Variants in VPS53 observed in about 807,000 individuals in gnomAD.
The protein encoded by VPS53 is vacuolar protein sorting-associated protein 53 homolog.
In VPS53, 70 loss-of-function variants were observed where a neutral mutation model predicts 107.0. The ratio of observed to expected loss-of-function variants is 0.65; its 90% CI spans 0.54 to 0.80. VPS53 has a LOEUF of 0.80. Among genes scored for constraint, VPS53 ranks in the 30% least tolerant of loss-of-function variants. The pLI is 0.00. For synonymous variants in VPS53, 409 were observed against 393.3 expected, an observed-to-expected ratio of 1.04 and a Z score of -0.47; for missense variants, 917 against 1,049.4, an observed-to-expected ratio of 0.87 and a Z score of 1.74.
chr17:684,708 C>A (rs1048194333), intron 4 of VPS53, among the ~76,000 whole-genome samples: 4 of 152,052 alleles, frequency 2.6e-5, no homozygotes, highest in African/African-American at 9.7e-5. Context: ...ACAAGTTGGC[C>A]GGGCGCGGTG....
chr17:697,703 A>C (rs1973032135), intron 3 of VPS53, among the ~76,000 whole-genome samples: 1 of 152,198 alleles, frequency 6.6e-6, no homozygotes, highest in Non-Finnish European at 1.5e-5. Context: ...CTTGTTGTTA[A>C]AAATGCCTAT....
At chr17:591,275 C>G (rs889238474) in intron 12 of VPS53, among the ~76,000 whole-genome samples, 485 of 126,624 alleles carry the variant, frequency 3.8e-3, no homozygotes, top group Admixed American at 5.1e-3. Context: ...CTCTTTTTTT[C>G]TTTATTAGTC....
Position 710,633 on chromosome 17 carries a change from T to C in VPS53, c.88-20A>G. On this transcript the variant is annotated intron_variant, in intron 1 of 21. Coordinates refer to ENST00000437048, the MANE Select transcript of VPS53 (RefSeq NM_001128159.3). Reference sequence around the variant, plus strand: ...AAACACCTATATAGAAAGAGAGGAGTATATATAAAAACATGTAGTATACCG... The same window carrying C: ...AAACACCTATATAGAAAGAGAGGAGCATATATAAAAACATGTAGTATACCG... 1.3e-6 allele frequency: 2 copies of C among 1,557,774 alleles called. No homozygotes were observed. The highest frequency in any genetic ancestry group is 1.8e-6 in the Non-Finnish European group (2 of 1,132,180).
intron 12 of VPS53, among the ~76,000 whole-genome samples, chr17:593,006 A>T (rs950573924): frequency 5.3e-5 from 8 of 152,342 alleles, no homozygotes; most frequent in Non-Finnish European, 1.2e-4. Context: ...ATAATGCCGC[A>T]TATCTACAAC....
intron 13 of VPS53, among the ~76,000 whole-genome samples, chr17:571,526 C>G (rs1914068202): frequency 8.3e-6 from 1 of 119,916 alleles, no homozygotes; most frequent in South Asian, 2.9e-4. Flanking sequence ...CTCTCCCTCT[C>G]CCTACGGTCT....
chr17:612,679 T>C (rs1313563168), intron 11 of VPS53, among the ~76,000 whole-genome samples: 1 of 148,032 alleles, frequency 6.8e-6, no homozygotes, highest in Non-Finnish European at 1.5e-5. Flanking sequence ...AGTATTCAAA[T>C]AGTGAATTCA....
intron 2 of VPS53, among the ~76,000 whole-genome samples, chr17:709,440 A>G (rs1973554855): frequency 6.6e-6 from 1 of 152,236 alleles, no homozygotes; most frequent in South Asian, 2.1e-4. Flanking sequence ...AAATGAATAC[A>G]TGAATGAATC....
At position 524,910 on chromosome 17, in the gene VPS53, G is replaced by A. The variant is rs1429408956; in HGVS notation, c.2086-3172C>T. 1.3e-5 allele frequency among the ~76,000 whole-genome samples: 2 copies of A among 152,214 alleles called. No homozygotes were observed. Among genetic ancestry groups the A allele is most frequent in the East Asian group, 1.9e-4 (1 of 5,194 alleles). ...ATTTAGCAACATTTCCTTAGCTGGA[G>A]ATGTGTATCACCCATAACACAGCAT... On this transcript the variant is annotated intron_variant, in intron 19 of 21. Coordinates refer to ENST00000437048, the MANE Select transcript of VPS53 (RefSeq NM_001128159.3). This position sits in a 1 kb window ranked among gnomAD's most constrained non-coding sequence, Gnocchi z 4.5.
chr17:662,716 TGAAA>T (rs980575510), intron 4 of VPS53, among the ~76,000 whole-genome samples: 1 of 39,700 alleles, frequency 2.5e-5, no homozygotes, highest in Non-Finnish European at 5.8e-5. Context: ...AGAGAAAGAA[TGAAA>T]GAAGAAGGGA....
chr17:567,593 C>T lies in VPS53; in HGVS notation c.1314-4848G>A, dbSNP rs535627625. 6.6e-5 allele frequency among the ~76,000 whole-genome samples: 10 copies of T among 151,878 alleles called. 1 individual carries two copies. The East Asian group carries it at 1.7e-3, about 27-fold the overall frequency. ...ATGGCTCACTGCAGCCTCAACCTCCCAGGCTCAAGCAATTCTCCTGCCTCA... is the reference window on the plus strand; with the variant it reads ...ATGGCTCACTGCAGCCTCAACCTCCTAGGCTCAAGCAATTCTCCTGCCTCA... On this transcript the variant is annotated intron_variant, in intron 13 of 21. Transcript: ENST00000437048.
intron 4 of VPS53, among the ~76,000 whole-genome samples, chr17:683,735 C>T (rs550224060): frequency 2.6e-5 from 4 of 152,290 alleles, no homozygotes; most frequent in South Asian, 2.1e-4. Flanking sequence ...TGGTGGCACA[C>T]GCCAATAGCC....
In VPS53 at chr17:562,509, A is replaced by C; in HGVS notation, c.1550T>G (p.Leu517Arg). ...TATGAAGAACAGGACTCACTTGGGC[A>C]GGTTGCCAGAGAGGATTTTCCAGGC... ...EYAWKILSGN[L>R]PKTTTSSGGL... The change falls in exon 14 of 22, where the codon CTG (leucine) becomes CGG (arginine). Residue 517 changes from leucine (L) to arginine (R), a missense_variant. Transcript: ENST00000437048. 6.2e-7 allele frequency: 1 copy of C among 1,614,030 alleles called. No individual in the cohort carries two copies. The highest frequency in any genetic ancestry group is 8.5e-7 in the Non-Finnish European group (1 of 1,180,002).
In VPS53 at chr17:568,891, T is replaced by C. The variant is rs115603393; in HGVS notation, c.1314-6146A>G. Among the ~76,000 whole-genome samples, 787 of 152,232 alleles carry C rather than the reference T, an allele frequency of 5.2e-3. 11 individuals carry two copies. Among genetic ancestry groups the C allele is most frequent in the African/African-American group, 0.018 (766 of 41,532 alleles). On this transcript the variant is annotated intron_variant, in intron 13 of 21. Transcript: ENST00000437048. The stretch of plus-strand genomic sequence containing the variant: ...GTGCACACACAGCTATAGAGGCATA[T>C]ATGTAGAAGCAGGTGCACACACAGC...
intron 4 of VPS53, among the ~76,000 whole-genome samples, chr17:679,463 G>A (rs559486498): frequency 2.8e-4 from 43 of 152,106 alleles, no homozygotes; most frequent in South Asian, 4.2e-4. Context: ...GCAGTGAGCC[G>A]AGATTGCGCC....
In VPS53 at chr17:714,824, C is replaced by G. The variant is rs1026846803; in HGVS notation, c.-115G>C. On this transcript the variant is annotated 5_prime_UTR_variant, in exon 1 of 22. Coordinates refer to ENST00000437048, the MANE Select transcript of VPS53 (RefSeq NM_001128159.3). ...GGCAGCGACCTGGTGAGCCCGGCTCCGTCAGCCGCTCTGTCAGCCGCTCCG... is the reference window on the plus strand; with the variant it reads ...GGCAGCGACCTGGTGAGCCCGGCTCGGTCAGCCGCTCTGTCAGCCGCTCCG... The G allele has an allele frequency of 5.1e-6, 6 of 1,174,122 alleles. No homozygotes were observed. The highest frequency in any genetic ancestry group is 7.5e-6 in the Non-Finnish European group (6 of 800,698). The allele number at this position is 1,174,122 out of a possible 1,614,324, so 72.7% of individuals were successfully genotyped here. A position where few individuals can be genotyped will look rare whatever the true frequency, so the allele number is the denominator to read the frequency against.
intron 1 of VPS53, 192 bp downstream of exon 1, chr17:714,431 C>T: frequency 1.7e-6 from 1 of 601,078 alleles, no homozygotes; most frequent in South Asian, 2.0e-5. Flanking sequence ...CAATCAAAGC[C>T]TAGAAAGGGT....
At chr17:570,361 CGA>C (rs958257253) in intron 13 of VPS53, among the ~76,000 whole-genome samples, 4 of 98,956 alleles carry the variant, frequency 4.0e-5, no homozygotes, top group African/African-American at 1.7e-4. Flanking sequence ...TAGAGTGAAA[CGA>C]CTCTGTCTCA....
At chr17:628,841 C>T (rs900838901) in intron 8 of VPS53, among the ~76,000 whole-genome samples, 3 of 152,192 alleles carry the variant, frequency 2.0e-5, no homozygotes, top group Non-Finnish European at 4.4e-5. Flanking sequence ...CTGACCTGAG[C>T]GAACACTGGA....
Position 520,068 on chromosome 17 carries a change from A to G in VPS53, c.2224-138T>C. The G allele has an allele frequency of 1.6e-6, 1 of 633,650 alleles. No homozygotes were observed. Among genetic ancestry groups the G allele is most frequent in the East Asian group, 2.7e-5 (1 of 36,438 alleles). The allele number at this position is 633,650 out of a possible 1,614,324, so 39.3% of individuals were successfully genotyped here. ...GGCCCTTCAGGAAAACTCACTCCTC[A>G]CTTGCCCGCCGAGCGCTAAATGGAT... On this transcript the variant is annotated intron_variant, in intron 20 of 21. Transcript: ENST00000437048. The surrounding 1 kb of genome is among the most constrained non-coding windows in gnomAD (Gnocchi z 4.4).
Sources: allele counts gnomAD v4.1 joint callset (sites outside exome capture counted in the v4.1 genomes callset), GRCh38; gene constraint gnomAD v4.1.1; non-coding constraint Gnocchi (gnomAD v3.1); transcripts MANE v1.5; gene names NCBI Gene and HGNC (gene_info 2026-07-23, HGNC 2026-07-21).